PRKG1: variants seen among roughly 807,000 people sequenced by gnomAD.
The protein encoded by PRKG1 is protein kinase cGMP-dependent 1, also known as cGMP-dependent protein kinase 1.
Under a neutral mutation model 88.1 loss-of-function variants are expected in PRKG1, and 35 were observed. The observed-to-expected ratio is 0.40, with a 90% CI of 0.30 to 0.53. The LOEUF is 0.53. Among genes scored for constraint, PRKG1 ranks in the 20% least tolerant of loss-of-function variants. PRKG1 has a pLI of 0.59. For synonymous variants in PRKG1, 303 were observed against 292.5 expected, an observed-to-expected ratio of 1.04 and a Z score of -0.37; for missense variants, 540 against 839.8, an observed-to-expected ratio of 0.64 and a Z score of 4.41.
intron 4 of PRKG1, among the ~76,000 whole-genome samples, chr10:51,808,314 C>T (rs565423981): frequency 4.1e-4 from 63 of 152,064 alleles, no homozygotes; most frequent in Non-Finnish European, 2.8e-4. Context: ...TTTATGACTT[C>T]GGCTGGGTGT....
At chr10:51,962,340 T>C (rs1843467417) in intron 5 of PRKG1, among the ~76,000 whole-genome samples, 1 of 152,124 alleles carries the variant, frequency 6.6e-6, no homozygotes, top group African/African-American at 2.4e-5. Context: ...CCCCCTATTA[T>C]AGCTGTGAGA....
chr10:51,345,582 C>A (rs904709211), intron 2 of PRKG1, among the ~76,000 whole-genome samples: 6 of 151,924 alleles, frequency 3.9e-5, no homozygotes, highest in Admixed American at 2.0e-4. Flanking sequence ...TGAGGCTACT[C>A]GTTTGCTCTA....
chr10:51,823,867 T>TTTTTTTTTTTTTTTTTTTTTTTTTTTTC (rs1839816469), intron 4 of PRKG1, among the ~76,000 whole-genome samples: 1 of 19,958 alleles, frequency 5.0e-5, no homozygotes, highest in African/African-American at 1.8e-4. Context: ...TTCTCTCTCC[T>TTTTTTTTTTTTTTTTTTTTTTTTTTTTC]TTTTTTTTTT....
At chr10:51,440,782 C>A (rs1326261201) in intron 2 of PRKG1, among the ~76,000 whole-genome samples, 2 of 151,800 alleles carry the variant, frequency 1.3e-5, no homozygotes, top group East Asian at 1.9e-4. Flanking sequence ...CTTAAAAAAT[C>A]TTTGTGGAGA....
At chr10:51,863,245 G>A (rs1840932356) in intron 4 of PRKG1, among the ~76,000 whole-genome samples, 1 of 152,126 alleles carries the variant, frequency 6.6e-6, no homozygotes, top group Non-Finnish European at 1.5e-5. Context: ...GAAGTTAAGG[G>A]CTATAATGGT....
In PRKG1 at chr10:51,806,829, A is replaced by G. The variant is rs541367907; in HGVS notation, c.698+2139A>G. On this transcript the variant is annotated intron_variant, in intron 4 of 17. Coordinates refer to ENST00000373980, the MANE Select transcript of PRKG1 (RefSeq NM_006258.4). ...GATTCTTCTCTCTTCCTGCAAACCA[A>G]ACAATTCCATGTACCCATGCCTTCC... Among the ~76,000 whole-genome samples the G allele has an allele frequency of 5.9e-5, 9 of 152,210 alleles. No homozygotes were observed. The South Asian group carries it at 1.7e-3, about 28-fold the overall frequency.
intron 4 of PRKG1, among the ~76,000 whole-genome samples, chr10:51,847,185 T>C (rs140255407): frequency 2.4e-3 from 364 of 152,322 alleles, no homozygotes; most frequent in African/African-American, 8.4e-3. Flanking sequence ...CTCTAACATT[T>C]TGTGTTTCTA....
intron 5 of PRKG1, among the ~76,000 whole-genome samples, chr10:52,050,547 G>T (rs143848092): frequency 1.3e-5 from 2 of 152,192 alleles, no homozygotes; most frequent in East Asian, 3.9e-4. Context: ...GCAATTAAAC[G>T]TTTCAGAATA....
chr10:52,297,765 C>T lies in PRKG1; in HGVS notation c.*3865C>T, dbSNP rs965209346. The T allele has an allele frequency of 9.9e-5, 15 of 152,040 alleles. No individual in the cohort carries two copies. Among genetic ancestry groups the T allele is most frequent in the African/African-American group, 3.4e-4 (14 of 41,406 alleles). The allele number at this position is 152,040 out of a possible 1,614,324, so 9.4% of individuals were successfully genotyped here. A position where few individuals can be genotyped will look rare whatever the true frequency, so the allele number is the denominator to read the frequency against. On this transcript the variant is annotated 3_prime_UTR_variant, in exon 18 of 18. Transcript: ENST00000373980. ...TAGACTCCATTGACAATGGTCCAAC[C>T]GAAAAGAAAAATTGGAAATGACTGC...
chr10:51,940,201 C>A (rs1469072283), intron 5 of PRKG1, among the ~76,000 whole-genome samples: 1 of 151,428 alleles, frequency 6.6e-6, no homozygotes, highest in African/African-American at 2.4e-5. Context: ...AAAAATAAGC[C>A]CTTGTCTTTT....
rs375755078 is a variant in PRKG1 at position 51,697,470 on chromosome 10, GTTATT to G, written c.593-107111_593-107107del. The G allele has an allele frequency of 4.6e-4, 251 of 548,160 alleles. 1 individual carries two copies. In the East Asian group the frequency reaches 6.0e-3, roughly 13 times the overall value. The allele number at this position is 548,160 out of a possible 1,614,324, so 34.0% of individuals were successfully genotyped here. On this transcript the variant is annotated intron_variant, in intron 3 of 17. Coordinates refer to ENST00000373980, the MANE Select transcript of PRKG1 (RefSeq NM_006258.4). Reference sequence around the variant, plus strand: ...TTGGCATAATATAATCATGTTCAGAGTTATTTTAAAGTAACTTAAAGTGAACAGAC... The same window carrying G: ...TTGGCATAATATAATCATGTTCAGAGTTAAAGTAACTTAAAGTGAACAGAC...
chr10:51,726,556 G>T (rs546043256), intron 3 of PRKG1, among the ~76,000 whole-genome samples: 1 of 152,146 alleles, frequency 6.6e-6, no homozygotes, highest in East Asian at 1.9e-4. Flanking sequence ...TGTCTGTCAC[G>T]ATATTTCAGA....
In PRKG1 at chr10:51,946,669, C is replaced by T. The variant is rs180866913; in HGVS notation, c.762+39099C>T. Among the ~76,000 whole-genome samples, 343 of 152,178 alleles carry T rather than the reference C, an allele frequency of 2.3e-3. 4 individuals carry two copies. Among genetic ancestry groups the T allele is most frequent in the African/African-American group, 7.9e-3 (329 of 41,438 alleles). ...GATGTCCTTTCTGTTTGTTAGTTTTCCTCCTAAGAGACAGGACCCTCAGCT... is the reference window on the plus strand; with the variant it reads ...GATGTCCTTTCTGTTTGTTAGTTTTTCTCCTAAGAGACAGGACCCTCAGCT... On this transcript the variant is annotated intron_variant, in intron 5 of 17. Transcript: ENST00000373980.
At chr10:52,016,260 A>G (rs1420795293) in intron 5 of PRKG1, among the ~76,000 whole-genome samples, 1 of 152,230 alleles carries the variant, frequency 6.6e-6, no homozygotes, top group Non-Finnish European at 1.5e-5. Context: ...ACCTCAGGAA[A>G]CTTACAATTA....
intron 17 of PRKG1, among the ~76,000 whole-genome samples, chr10:52,292,290 G>A (rs371311390): frequency 1.3e-5 from 2 of 151,550 alleles, no homozygotes; most frequent in Non-Finnish European, 2.9e-5. Flanking sequence ...GTCAATTTTG[G>A]CTTTTGTTGC....
At chr10:51,364,221 C>A (rs923351502) in intron 2 of PRKG1, among the ~76,000 whole-genome samples, 6 of 151,964 alleles carry the variant, frequency 3.9e-5, no homozygotes, top group Non-Finnish European at 7.4e-5. Flanking sequence ...TTCACTCTAT[C>A]CACTCTATGG....
intron 2 of PRKG1, among the ~76,000 whole-genome samples, chr10:51,383,626 A>T (rs973740484): frequency 6.6e-6 from 1 of 151,998 alleles, no homozygotes; most frequent in African/African-American, 2.4e-5. Context: ...GGTTGTAACC[A>T]CTCTAAACCC....
In PRKG1 at chr10:52,093,666, CTTTGT is replaced by C. The variant is rs1161963954; in HGVS notation, c.935+31040_935+31044del. Among the ~76,000 whole-genome samples the C allele has an allele frequency of 2.6e-5, 4 of 152,202 alleles. No individual in the cohort carries two copies. The East Asian group carries it at 7.7e-4, about 29-fold the overall frequency. On this transcript the variant is annotated intron_variant, in intron 7 of 17. Transcript: ENST00000373980. ...GATAGCTCTTGCAAAAAATTTTCTT[CTTTGT>C]TTTGAATTATGCAAATAATCACCTC...
Position 52,196,258 on chromosome 10 carries a change from C to T in PRKG1, c.1076+34295C>T, listed in dbSNP as rs577591533. Among the ~76,000 whole-genome samples the T allele has an allele frequency of 1.2e-4, 19 of 152,224 alleles. No homozygotes were observed. The South Asian group carries it at 2.9e-3, about 23-fold the overall frequency. ...GTCTCGATCTCCTGACCTCATGATC[C>T]GCCCTCCTCAGCCTCCCAAAGTCCT... On this transcript the variant is annotated intron_variant, in intron 9 of 17. Transcript: ENST00000373980.
Sources: gnomAD v4.1 joint callset for allele counts (sites outside exome capture counted in the v4.1 genomes callset) on GRCh38, gnomAD v4.1.1 for gene constraint, MANE v1.5 for transcripts, NCBI Gene and HGNC (gene_info 2026-07-23, HGNC 2026-07-21) for gene names.